The following CATSPERD variants were observed in gnomAD, a reference collection of about 807,000 sequenced individuals.
CATSPERD encodes cation channel sperm-associated auxiliary subunit delta.
In CATSPERD, 86 loss-of-function variants were observed where a neutral mutation model predicts 98.1. That is an observed-to-expected ratio of 0.88 (90% CI 0.74 to 1.05). The LOEUF (loss-of-function observed/expected upper bound fraction) is 1.05, where lower values mean the gene tolerates loss of function less well. Among genes scored for constraint, CATSPERD ranks in the 50% least tolerant of loss-of-function variants. The pLI, the probability that CATSPERD is intolerant of heterozygous loss-of-function variation, is 0.00. For missense variants in CATSPERD, 995 were observed against 1,005.7 expected (o/e 0.99, Z 0.14); for synonymous variants, 394 against 390.2 (o/e 1.01, Z -0.12).
intron 16 of CATSPERD, among the ~76,000 whole-genome samples, chr19:5,764,681 A>G (rs1033517302): frequency 2.7e-5 from 4 of 150,940 alleles, no homozygotes; most frequent in Admixed American, 1.3e-4. Flanking sequence ...CAGTGGCGCA[A>G]TCTTGGCTCA....
intron 6 of CATSPERD, among the ~76,000 whole-genome samples, chr19:5,738,352 CAAAAA>C (rs767298084): frequency 9.5e-6 from 1 of 104,954 alleles, no homozygotes. Context: ...ACTCAAAATA[CAAAAA>C]AAAAAAAAAA....
At chr19:5,747,146 G>A (rs1017312685) in intron 9 of CATSPERD, among the ~76,000 whole-genome samples, 4 of 136,048 alleles carry the variant, frequency 2.9e-5, no homozygotes, top group African/African-American at 1.1e-4. Context: ...TACTCAACCT[G>A]TTTTATCCTC....
chr19:5,768,288 T>C (rs761907219), intron 18 of CATSPERD, 46 bp downstream of exon 18: 2 of 1,513,460 alleles, frequency 1.3e-6, no homozygotes, highest in Middle Eastern at 1.7e-4. Context: ...AGGCGACCAT[T>C]GGGCCTGCAA....
intron 16 of CATSPERD, 55 bp from the exon 17 acceptor site, chr19:5,766,048 T>G (rs1047637044): frequency 1.4e-6 from 2 of 1,409,742 alleles, no homozygotes; most frequent in African/African-American, 2.8e-5. Context: ...GGGTTCACTG[T>G]GTCCGGGTGA....
intron 10 of CATSPERD, 102 bp downstream of exon 10, chr19:5,748,357 G>A (rs974556815): frequency 1.8e-5 from 20 of 1,091,840 alleles, no homozygotes; most frequent in East Asian, 4.8e-5. Context: ...TCAGCTGGGC[G>A]CGGTGGCTCA....
At position 5,772,884 on chromosome 19, in the gene CATSPERD, G is replaced by C. The variant is rs1476928298; in HGVS notation, c.1860G>C (p.Gln620His). 2 of 1,614,014 alleles carry C rather than the reference G, an allele frequency of 1.2e-6. No homozygotes were observed. The highest frequency in any genetic ancestry group is 1.7e-6 in the Non-Finnish European group (2 of 1,180,028). Residue 620 changes from glutamine (Q) to histidine (H), a missense_variant, in exon 20 of 22, where the codon CAG becomes CAC. Coordinates refer to ENST00000381624, the MANE Select transcript of CATSPERD (RefSeq NM_152784.4). ...CATACTCCTATTCCCTGACGGCCCA[G>C]TCGGCCATGTGTACCTCCCAGCCGC... ...QFSYSYSLTA[Q>H]SAMCTSQPQN...
intron 7 of CATSPERD, among the ~76,000 whole-genome samples, chr19:5,740,306 A>G (rs1179207965): frequency 7.1e-6 from 1 of 141,604 alleles, no homozygotes; most frequent in African/African-American, 2.7e-5. Context: ...AAATAAAATA[A>G]GCTGGGCGCA....
At chr19:5,768,527 G>C (rs2145851542) in intron 18 of CATSPERD, among the ~76,000 whole-genome samples, 1 of 151,990 alleles carries the variant, frequency 6.6e-6, no homozygotes, top group South Asian at 2.1e-4. Context: ...TAGTAGAGAT[G>C]AGGTTTCACT....
rs746525042 is a variant in CATSPERD, at chr19:5,778,666, C to A, written c.2387C>A (p.Ser796Tyr). ...CACCGCACTCCTCACGGAGGCAGGT[C>A]TGACCACTGAGGCCGGTCCACAGGG... ...GRHRTPHGGR[S>Y]DH Residue 796 changes from serine to tyrosine, a missense_variant, in exon 22 of 22, where the codon TCT becomes TAT. By Grantham distance (144) the Ser-to-Tyr change is moderately radical. Transcript: ENST00000381624. The A allele has an allele frequency of 9.3e-6, 15 of 1,612,038 alleles. No individual in the cohort carries two copies. The highest frequency in any genetic ancestry group is 1.3e-5 in the Non-Finnish European group (15 of 1,179,148).
chr19:5,727,243 T>A (rs766776520), intron 2 of CATSPERD, 25 bp from the exon 3 acceptor site: 1 of 1,557,146 alleles, frequency 6.4e-7, no homozygotes, highest in Admixed American at 1.7e-5. Context: ...TTGATATTAT[T>A]AAGATTTTGT....
chr19:5,760,875 T>C (rs1480894392), intron 15 of CATSPERD, among the ~76,000 whole-genome samples: 8 of 150,976 alleles, frequency 5.3e-5, no homozygotes, highest in South Asian at 2.1e-4. Flanking sequence ...GGCATGACAA[T>C]GTACTCCAGC....
In CATSPERD at chr19:5,727,345, G is replaced by A. The variant is rs1185598198; in HGVS notation, c.203+1G>A. The A allele has an allele frequency of 1.3e-6, 2 of 1,599,402 alleles. No homozygotes were observed. The highest frequency in any genetic ancestry group is 1.3e-5 in the African/African-American group (1 of 74,532). On this transcript the variant is annotated splice_donor_variant, in intron 3 of 21. Coordinates refer to ENST00000381624, the MANE Select transcript of CATSPERD (RefSeq NM_152784.4). LOFTEE classifies it high-confidence loss of function. The stretch of plus-strand genomic sequence containing the variant: ...AGAAAAATATAGCACTATATCTAGG[G>A]TAAGTGGCAATTTTATGTACTGTTA...
intron 15 of CATSPERD, among the ~76,000 whole-genome samples, chr19:5,760,006 G>A (rs2056404122): frequency 1.3e-5 from 2 of 148,768 alleles, no homozygotes; most frequent in African/African-American, 5.0e-5. Flanking sequence ...CCCAGGAGGT[G>A]GAGCTTGCAG....
At chr19:5,759,881 G>T (rs2056401668) in intron 15 of CATSPERD, among the ~76,000 whole-genome samples, 1 of 151,848 alleles carries the variant, frequency 6.6e-6, no homozygotes, top group Admixed American at 6.6e-5. Flanking sequence ...TTCGAGACCA[G>T]CCTGGCCAAC....
intron 18 of CATSPERD, among the ~76,000 whole-genome samples, chr19:5,770,355 G>A (rs1008978242): frequency 4.6e-5 from 7 of 151,250 alleles, no homozygotes; most frequent in East Asian, 1.9e-4. Flanking sequence ...ACTTGAACCC[G>A]GGAGAGAGAG....
At chr19:5,771,208 T>C in intron 19 of CATSPERD, 136 bp downstream of exon 19, 10 of 1,025,632 alleles carry the variant, frequency 9.8e-6, no homozygotes, top group Non-Finnish European at 1.4e-5. Flanking sequence ...CCCACCGTGC[T>C]CCTGCCCCAG....
intron 15 of CATSPERD, among the ~76,000 whole-genome samples, chr19:5,761,449 C>A (rs886939397): frequency 1.0e-3 from 9 of 8,900 alleles, no homozygotes; most frequent in African/African-American, 2.4e-3. Flanking sequence ...GGATGGCTGG[C>A]TGGCTGCCTG....
rs986081332 is a variant in CATSPERD at position 5,737,679 on chromosome 19, T to C, written c.459+474T>C. Reference sequence around the variant, plus strand: ...GCCTGGCCAACATGGCAAAACCCTGTCTCTACTAAAAATACAAAAAATTAG... The same window carrying C: ...GCCTGGCCAACATGGCAAAACCCTGCCTCTACTAAAAATACAAAAAATTAG... On this transcript the variant is annotated intron_variant, in intron 6 of 21. Coordinates refer to ENST00000381624, the MANE Select transcript of CATSPERD (RefSeq NM_152784.4). Among the ~76,000 whole-genome samples the C allele has an allele frequency of 4.6e-5, 7 of 151,176 alleles. No homozygotes were observed. The South Asian group carries it at 6.3e-4, about 14-fold the overall frequency.
At chr19:5,737,546 CAA>C (rs35730088) in intron 6 of CATSPERD, among the ~76,000 whole-genome samples, 127 of 69,398 alleles carry the variant, frequency 1.8e-3, no homozygotes, top group Middle Eastern at 0.029. Context: ...AAGACTCTGT[CAA>C]AAAAAAAAAA....
Sources: gnomAD v4.1 joint callset for allele counts (sites outside exome capture counted in the v4.1 genomes callset) on GRCh38, gnomAD v4.1.1 for gene constraint, MANE v1.5 for transcripts, NCBI Gene and HGNC (gene_info 2026-07-23, HGNC 2026-07-21) for gene names.